The following FAM50B variants were observed in gnomAD, a reference collection of about 807,000 sequenced individuals.
The protein encoded by FAM50B is family with sequence similarity 50 member B.
In FAM50B, 9 loss-of-function variants were observed where a neutral mutation model predicts 25.4. That is an observed-to-expected ratio of 0.35 (90% CI 0.21 to 0.62). The LOEUF (loss-of-function observed/expected upper bound fraction) is 0.62, where lower values mean the gene tolerates loss of function less well. Ranked by LOEUF, FAM50B falls within the 20% of genes least tolerant of loss-of-function variation. The pLI is 0.73. For synonymous variants in FAM50B, 212 were observed against 204.3 expected, an observed-to-expected ratio of 1.04 and a Z score of -0.32; for missense variants, 372 against 477.9, an observed-to-expected ratio of 0.78 and a Z score of 2.07.
At chr6:3,847,637 G>A (rs1039150567), upstream of FAM50B, among the ~76,000 whole-genome samples, 2 of 152,212 alleles carry the variant, frequency 1.3e-5, no homozygotes, top group African/African-American at 2.4e-5. Context: ...TCATTCATAT[G>A]TTTACCAGGA....
At chr6:3,834,028 G>C in the FAM50B span, 1 of 152,104 alleles carries the variant, frequency 6.6e-6, no homozygotes, top group Non-Finnish European at 1.5e-5. Context: ...AGCAAGAATA[G>C]CTATGACCCA....
the FAM50B span, among the ~76,000 whole-genome samples, chr6:3,834,462 T>C: frequency 6.7e-6 from 1 of 149,512 alleles, no homozygotes; most frequent in Non-Finnish European, 1.5e-5. Context: ...ATATGAAAGA[T>C]CAGTTGATAG....
upstream of FAM50B, among the ~76,000 whole-genome samples, chr6:3,844,462 G>A (rs1762099371): frequency 6.6e-6 from 1 of 151,930 alleles, no homozygotes; most frequent in African/African-American, 2.4e-5. Flanking sequence ...TGTAATCCCA[G>A]CACTTTGGGA....
At chr6:3,834,359 C>CAAAAAAAAAAAAAAAAAAAGAAGAA in the FAM50B span, among the ~76,000 whole-genome samples, 1 of 75,048 alleles carries the variant, frequency 1.3e-5, no homozygotes, top group South Asian at 4.4e-4. Flanking sequence ...TGATATATGG[C>CAAAAAAAAAAAAAAAAAAAGAAGAA]AAAAAAAAAA....
At chr6:3,836,913 A>G in the FAM50B span, among the ~76,000 whole-genome samples, 1 of 152,178 alleles carries the variant, frequency 6.6e-6, no homozygotes, top group African/African-American at 2.4e-5. Context: ...AAGGGTAATA[A>G]TCCTCTGCCT....
At chr6:3,839,821 C>T in the FAM50B span, among the ~76,000 whole-genome samples, 5 of 152,166 alleles carry the variant, frequency 3.3e-5, no homozygotes, top group African/African-American at 1.2e-4. Flanking sequence ...AAGTCATAGG[C>T]CAAGAGTTTC....
Position 3,850,258 on chromosome 6 carries a change from C to T in FAM50B, c.447C>T (p.Asp149=). 1 of 1,613,210 alleles carries T rather than the reference C, an allele frequency of 6.2e-7. No homozygotes were observed. The highest frequency in any genetic ancestry group is 8.5e-7 in the Non-Finnish European group (1 of 1,179,840). Residue 149 remains aspartate (D), a synonymous_variant, in exon 2 of 2, where the codon GAC becomes GAT. Coordinates refer to ENST00000648326, the MANE Select transcript of FAM50B (RefSeq NM_012135.3). ...ACCTGGGCAAGAACCCCGACGTGGA[C>T]ACCAGCTTCCTGCCAGACCGCGACC... ...AGNLGKNPDV[D]TSFLPDRDRE... is the part of the protein sequence containing the mutation.
chr6:3,848,867 G>T (rs1236668042), upstream of FAM50B, among the ~76,000 whole-genome samples: 1 of 152,186 alleles, frequency 6.6e-6, no homozygotes, highest in Non-Finnish European at 1.5e-5. Context: ...GGGGCGAGTA[G>T]GGTTCTATTA....
chr6:3,848,485 T>C (rs1167166385), upstream of FAM50B, among the ~76,000 whole-genome samples: 2 of 152,172 alleles, frequency 1.3e-5, no homozygotes, highest in African/African-American at 2.4e-5. Flanking sequence ...GATATGTGGG[T>C]GCCATATGTA....
chr6:3,850,435 G>C lies in FAM50B; in HGVS notation c.624G>C (p.Thr208=), dbSNP rs368863482. ...CGGTGCGGGTGCGCAAGGGCAACAC[G>C]GTGCAGCAGTTCCTGAAGAAGGCGC... ...RRTVRVRKGN[T]VQQFLKKALQ... The change falls in exon 2 of 2, where the codon ACG becomes ACC. Residue 208 remains threonine, a synonymous_variant. Transcript: ENST00000648326. 4.7e-5 allele frequency: 76 copies of C among 1,613,404 alleles called. 3 individuals are homozygous for C. In the Middle Eastern group the frequency reaches 2.3e-3, roughly 49 times the overall value.
the FAM50B span, among the ~76,000 whole-genome samples, chr6:3,834,283 C>G: frequency 0.084 from 10,981 of 130,958 alleles, 479 homozygotes; most frequent in East Asian, 0.17. Flanking sequence ...ATTCACAAGT[C>G]ATAAAAGCAA....
the FAM50B span, among the ~76,000 whole-genome samples, chr6:3,838,112 A>G: frequency 1.3e-5 from 2 of 152,246 alleles, no homozygotes; most frequent in Non-Finnish European, 2.9e-5. Context: ...ACAAAGACTT[A>G]CCATATAACC....
At chr6:3,841,357 A>G in the FAM50B span, among the ~76,000 whole-genome samples, 3 of 152,316 alleles carry the variant, frequency 2.0e-5, no homozygotes, top group South Asian at 2.1e-4. Context: ...CTGGTTTTCC[A>G]TGAAGCTGGG....
rs1762195457 is a variant in FAM50B, at chr6:3,850,280, G to A, written c.469G>A (p.Asp157Asn). The change falls in exon 2 of 2, where the codon GAC becomes AAC. Residue 157 changes from aspartate to asparagine, a missense_variant. By Grantham distance (23) the Asp-to-Asn change is conservative. Transcript: ENST00000648326. The stretch of plus-strand genomic sequence containing the variant: ...GGACACCAGCTTCCTGCCAGACCGC[G>A]ACCGCGAGGAGGAGGAGAACCGGCT... Reference protein sequence around the residue: ...DVDTSFLPDRDREEEENRLRE... With the variant: ...DVDTSFLPDRNREEEENRLRE... 5 of 1,613,096 alleles carry A rather than the reference G, an allele frequency of 3.1e-6. No individual in the cohort carries two copies. The highest frequency in any genetic ancestry group is 2.2e-5 in the East Asian group (1 of 44,864).
At position 3,850,226 on chromosome 6, in the gene FAM50B, G is replaced by T; in HGVS notation, c.415G>T (p.Ala139Ser). The change falls in exon 2 of 2, where the codon GCC becomes TCC. Residue 139 changes from alanine (A) to serine (S), a missense_variant. Coordinates refer to ENST00000648326, the MANE Select transcript of FAM50B (RefSeq NM_012135.3). ...GGCCGACGCGGCCGAGGCCAGGCGC[G>T]CCGGAAACCTGGGCAAGAACCCCGA... The part of the protein sequence containing the change: ...DQADAAEARR[A>S]GNLGKNPDVD... 6.2e-7 allele frequency: 1 copy of T among 1,613,280 alleles called. No individual in the cohort carries two copies. Among genetic ancestry groups the T allele is most frequent in the Non-Finnish European group, 8.5e-7 (1 of 1,179,844 alleles).
At chr6:3,849,661 A>G (rs1762174169) in intron 1 of FAM50B, 128 bp from the exon 2 acceptor site, 12 of 1,354,568 alleles carry the variant, frequency 8.9e-6, no homozygotes, top group Non-Finnish European at 1.2e-5. Flanking sequence ...TGGTTACCCT[A>G]GCAGGTCGGC....
At chr6:3,845,062 G>C (rs548924495), upstream of FAM50B, among the ~76,000 whole-genome samples, 51 of 152,212 alleles carry the variant, frequency 3.4e-4, no homozygotes, top group African/African-American at 1.1e-3. Context: ...GCGTGGGCTC[G>C]GGTCCTCAGC....
Position 3,850,161 on chromosome 6 carries a change from T to C in FAM50B, c.350T>C (p.Ile117Thr). Residue 117 changes from isoleucine to threonine, a missense_variant, in exon 2 of 2, where the codon ATC becomes ACC. Coordinates refer to ENST00000648326, the MANE Select transcript of FAM50B (RefSeq NM_012135.3). The part of the protein sequence containing the change: ...QEQRRERKRK[I>T]SCLSFALDDL... ...CAGCGGCGCGAGCGCAAGCGTAAGA[T>C]CTCCTGCCTGTCCTTTGCACTAGAC... is the stretch of plus-strand genomic sequence containing the variant. 6.2e-7 allele frequency: 1 copy of C among 1,612,954 alleles called. No homozygotes were observed. Among genetic ancestry groups the C allele is most frequent in the African/African-American group, 1.3e-5 (1 of 75,004 alleles).
chr6:3,844,854 G>A (rs1762103977), upstream of FAM50B, among the ~76,000 whole-genome samples: 1 of 152,156 alleles, frequency 6.6e-6, no homozygotes, highest in Non-Finnish European at 1.5e-5. Context: ...TAATAGTTAT[G>A]TTACTTATGT....
Sources: gnomAD v4.1 joint callset for allele counts (sites outside exome capture counted in the v4.1 genomes callset) on GRCh38, gnomAD v4.1.1 for gene constraint, MANE v1.5 for transcripts, NCBI Gene and HGNC (gene_info 2026-07-23, HGNC 2026-07-21) for gene names.